The following PTPRD variants were observed in gnomAD, a reference collection of about 807,000 sequenced individuals.
PTPRD encodes receptor-type tyrosine-protein phosphatase delta.
PTPRD carries 34 observed loss-of-function variants against 214.5 expected under a neutral mutation model. That is an observed-to-expected ratio of 0.16 (90% CI 0.12 to 0.21). PTPRD has a LOEUF of 0.21. Ranked by LOEUF, PTPRD falls within the 10% of genes least tolerant of loss-of-function variation. The pLI, the probability that PTPRD is intolerant of heterozygous loss-of-function variation, is 1.00. For synonymous variants in PTPRD, 1,128 were observed against 845.7 expected (o/e 1.33, Z -5.79); for missense variants, 2,545 against 2,398.7 (o/e 1.06, Z -1.27).
At chr9:8,516,247 T>C (rs1223050549) in intron 21 of PTPRD, among the ~76,000 whole-genome samples, 1 of 152,042 alleles carries the variant, frequency 6.6e-6, no homozygotes. Context: ...GCCTACAGTA[T>C]TTTTTTTCTG....
chr9:8,330,652 C>G (rs10739155), intron 44 of PTPRD, among the ~76,000 whole-genome samples: 1 of 151,890 alleles, frequency 6.6e-6, no homozygotes, highest in Admixed American at 6.6e-5. Context: ...GACTTTAAAC[C>G]TCAGCTAAGA....
chr9:8,448,692 A>C (rs1352171799), intron 34 of PTPRD, among the ~76,000 whole-genome samples: 1 of 152,306 alleles, frequency 6.6e-6, no homozygotes, highest in East Asian at 1.9e-4. Context: ...TCAATTGAAG[A>C]GTTACTAGTT....
At chr9:9,357,136 G>A (rs866472440) in intron 9 of PTPRD, among the ~76,000 whole-genome samples, 14 of 151,300 alleles carry the variant, frequency 9.3e-5, no homozygotes, top group South Asian at 2.1e-4. Flanking sequence ...GAATTAAGAA[G>A]TCTCTTATTT....
intron 8 of PTPRD, among the ~76,000 whole-genome samples, chr9:9,536,227 C>T (rs577916207): frequency 2.0e-5 from 3 of 152,016 alleles, no homozygotes; most frequent in African/African-American, 7.2e-5. Flanking sequence ...TGCTTAAGGA[C>T]AGGGAATCTT....
At chr9:8,579,567 G>T (rs77795146) in intron 14 of PTPRD, among the ~76,000 whole-genome samples, 1 of 152,158 alleles carries the variant, frequency 6.6e-6, no homozygotes, top group Non-Finnish European at 1.5e-5. Context: ...CACAGTGCCT[G>T]TCATAAAAGA....
chr9:8,355,669 A>G (rs1300137776), intron 39 of PTPRD, among the ~76,000 whole-genome samples: 1 of 152,206 alleles, frequency 6.6e-6, no homozygotes, highest in East Asian at 1.9e-4. Context: ...TTCCTCTTCT[A>G]TGTATCAATC....
chr9:8,756,534 G>C (rs761271444), intron 11 of PTPRD, among the ~76,000 whole-genome samples: 19 of 152,102 alleles, frequency 1.2e-4, no homozygotes, highest in Non-Finnish European at 5.9e-5. Context: ...GTATCAGTTG[G>C]CTACAGTGTT....
chr9:8,429,160 T>C (rs2094885753), intron 35 of PTPRD, among the ~76,000 whole-genome samples: 1 of 152,204 alleles, frequency 6.6e-6, no homozygotes, highest in Non-Finnish European at 1.5e-5. Flanking sequence ...TTTGATCTAG[T>C]TTGATACTAA....
At chr9:10,479,485 A>T (rs1953595) in intron 2 of PTPRD, among the ~76,000 whole-genome samples, 106,909 of 151,894 alleles carry the variant, frequency 0.7, 39,028 homozygotes, top group Non-Finnish European at 0.8. Context: ...TTCAACTTTA[A>T]ACCACACATT....
At chr9:10,279,107 C>T (rs749309814) in intron 3 of PTPRD, among the ~76,000 whole-genome samples, 2 of 151,972 alleles carry the variant, frequency 1.3e-5, no homozygotes, top group Non-Finnish European at 2.9e-5. Context: ...CGGAACTCTG[C>T]CTCAATCCTC....
At chr9:8,321,902 G>A (rs1010628604) in intron 44 of PTPRD, among the ~76,000 whole-genome samples, 1 of 151,876 alleles carries the variant, frequency 6.6e-6, no homozygotes. Context: ...CATTGAACAA[G>A]TATATTGGTG....
At chr9:8,350,152 T>C (rs1026420936) in intron 39 of PTPRD, among the ~76,000 whole-genome samples, 1 of 152,110 alleles carries the variant, frequency 6.6e-6, no homozygotes, top group African/African-American at 2.4e-5. Flanking sequence ...TGTGATACAG[T>C]AGTAATGTGC....
chr9:8,834,910 A>G (rs1601385866), intron 11 of PTPRD, among the ~76,000 whole-genome samples: 1 of 152,222 alleles, frequency 6.6e-6, no homozygotes, highest in East Asian at 1.9e-4. Flanking sequence ...CAGGCAGCTT[A>G]GTGAGTAACT....
chr9:9,057,619 G>T lies in PTPRD; in HGVS notation c.-142-38884C>A, dbSNP rs183035040. Among the ~76,000 whole-genome samples the T allele has an allele frequency of 1.2e-3, 182 of 152,182 alleles. 1 individual carries two copies. Among genetic ancestry groups the T allele is most frequent in the African/African-American group, 4.2e-3 (176 of 41,534 alleles). ...TGATGGGTAGATCTGACATGTTACC[G>T]TAATAATTTCTCGTAAAGTACATCC... On this transcript the variant is annotated intron_variant, in intron 10 of 45. Transcript: ENST00000381196.
intron 10 of PTPRD, among the ~76,000 whole-genome samples, chr9:9,028,863 T>C (rs960714174): frequency 6.6e-6 from 1 of 151,798 alleles, no homozygotes; most frequent in Non-Finnish European, 1.5e-5. Context: ...GCCTTACATA[T>C]TATTAGTATT....
intron 10 of PTPRD, among the ~76,000 whole-genome samples, chr9:9,176,384 C>A (rs2131220211): frequency 6.6e-6 from 1 of 152,264 alleles, no homozygotes; most frequent in South Asian, 2.1e-4. Flanking sequence ...TCTATGCAGG[C>A]TGAAAAACCA....
At chr9:8,823,622 G>C (rs955942713) in intron 11 of PTPRD, among the ~76,000 whole-genome samples, 12 of 151,720 alleles carry the variant, frequency 7.9e-5, no homozygotes, top group African/African-American at 2.9e-4. Context: ...CTGCACTCCA[G>C]CCTGGGGAAA....
chr9:9,632,566 T>C (rs2095626941), intron 7 of PTPRD, among the ~76,000 whole-genome samples: 1 of 152,120 alleles, frequency 6.6e-6, no homozygotes, highest in African/African-American at 2.4e-5. Context: ...TATGTGAATT[T>C]TTTCTAAACA....
chr9:10,343,517 G>A (rs1006233753), intron 2 of PTPRD, among the ~76,000 whole-genome samples: 2 of 152,030 alleles, frequency 1.3e-5, no homozygotes, highest in African/African-American at 4.8e-5. Context: ...TGGGTCAAAT[G>A]GTATTTCTTG....
Sources: allele counts gnomAD v4.1 joint callset (sites outside exome capture counted in the v4.1 genomes callset), GRCh38; gene constraint gnomAD v4.1.1; transcripts MANE v1.5; gene names NCBI Gene and HGNC (gene_info 2026-07-23, HGNC 2026-07-21).